Variants in DRC12 observed in about 807,000 individuals in gnomAD.
DRC12 encodes dynein regulatory complex subunit 12 homolog.
the DRC12 span, chr11:119,193,414 G>T: frequency 3.6e-6 from 3 of 826,630 alleles, no homozygotes; most frequent in South Asian, 3.5e-5. Context: ...GAAAACCTGA[G>T]GAAGGGACAG....
the DRC12 span, chr11:119,190,937 G>A: frequency 7.8e-6 from 11 of 1,411,092 alleles, no homozygotes; most frequent in African/African-American, 5.7e-5. This position sits in a 1 kb window ranked among gnomAD's most constrained non-coding sequence, Gnocchi z 4.2. Flanking sequence ...AAATGGGCTC[G>A]TTCCAGACTC....
At chr11:119,190,359 G>T in the DRC12 span, 2 of 1,613,842 alleles carry the variant, frequency 1.2e-6, no homozygotes, top group Non-Finnish European at 1.7e-6. The surrounding 1 kb of genome is among the most constrained non-coding windows in gnomAD (Gnocchi z 4.2). Flanking sequence ...AACTGGCGTT[G>T]CTGCTCCTTG....
the DRC12 span, chr11:119,195,523 GT>G: frequency 6.7e-7 from 1 of 1,490,160 alleles, no homozygotes; most frequent in Non-Finnish European, 9.2e-7. Context: ...GGGACCTTAT[GT>G]TTAGGTCTGG....
the DRC12 span, chr11:119,194,806 T>A: frequency 1.6e-6 from 1 of 610,648 alleles, no homozygotes; most frequent in Non-Finnish European, 2.9e-6. Flanking sequence ...CACTAGGGGA[T>A]GGTTAGGGTC....
At chr11:119,193,817 C>G in the DRC12 span, 3 of 1,551,728 alleles carry the variant, frequency 1.9e-6, no homozygotes, top group Non-Finnish European at 2.6e-6. Flanking sequence ...TCAGCCTCCA[C>G]CCCTTGCAGC....
At chr11:119,190,936 C>T in the DRC12 span, 13 of 1,420,484 alleles carry the variant, frequency 9.2e-6, no homozygotes, top group Middle Eastern at 1.8e-4. The surrounding 1 kb of genome is among the most constrained non-coding windows in gnomAD (Gnocchi z 4.2). Flanking sequence ...CAAATGGGCT[C>T]GTTCCAGACT....
At chr11:119,195,747 C>G in the DRC12 span, 1 of 428,768 alleles carries the variant, frequency 2.3e-6, no homozygotes, top group South Asian at 2.9e-5. Context: ...AAACGAAATC[C>G]CTGTACCTGC....
chr11:119,190,799 C>T, the DRC12 span: 4 of 1,613,970 alleles, frequency 2.5e-6, no homozygotes, highest in African/African-American at 1.3e-5. The surrounding 1 kb of genome is among the most constrained non-coding windows in gnomAD (Gnocchi z 4.2). Flanking sequence ...AGAGCTTGTT[C>T]AGCCTCTTCC....
chr11:119,193,923 G>T, the DRC12 span: 1 of 1,543,164 alleles, frequency 6.5e-7, no homozygotes. Context: ...GGACTGGCTG[G>T]GTCCCACTAA....
chr11:119,193,387 G>T, the DRC12 span: 1 of 845,666 alleles, frequency 1.2e-6, no homozygotes, highest in Non-Finnish European at 1.8e-6. Flanking sequence ...TTGTGATTCT[G>T]AGAAGCTGCA....
chr11:119,195,249 GA>G, the DRC12 span: 6 of 657,616 alleles, frequency 9.1e-6, no homozygotes, highest in East Asian at 1.6e-4. Context: ...GAGCGTGGGT[GA>G]CCATTTCCCC....
At chr11:119,192,439 T>C in the DRC12 span, among the ~76,000 whole-genome samples, 1 of 152,238 alleles carries the variant, frequency 6.6e-6, no homozygotes, top group African/African-American at 2.4e-5. Context: ...TATTCATTTA[T>C]TTGGTGAACA....
At chr11:119,193,235 G>A in the DRC12 span, 130 of 1,613,852 alleles carry the variant, frequency 8.1e-5, no homozygotes, top group Non-Finnish European at 1.0e-4. Flanking sequence ...TGGCACTGGC[G>A]ACTCATCTCT....
chr11:119,190,810 C>A, the DRC12 span: 3 of 1,613,532 alleles, frequency 1.9e-6, no homozygotes, highest in Non-Finnish European at 2.5e-6. The surrounding 1 kb of genome is among the most constrained non-coding windows in gnomAD (Gnocchi z 4.2). Context: ...AGCCTCTTCC[C>A]GGGCAGCTGC....
the DRC12 span, chr11:119,194,910 C>T: frequency 6.5e-7 from 1 of 1,550,268 alleles, no homozygotes; most frequent in Non-Finnish European, 8.7e-7. Context: ...ATGCCAGCTT[C>T]TACCCTCCTT....
the DRC12 span, among the ~76,000 whole-genome samples, chr11:119,191,754 G>T: frequency 6.6e-6 from 1 of 151,982 alleles, no homozygotes; most frequent in African/African-American, 2.4e-5. Flanking sequence ...GTTGCAGTGA[G>T]CCGAGATTTG....
At chr11:119,193,834 C>T in the DRC12 span, 1 of 1,551,654 alleles carries the variant, frequency 6.4e-7, no homozygotes, top group Non-Finnish European at 8.7e-7. Context: ...CAGCCTCTGC[C>T]TCAGCTGGTC....
At chr11:119,190,279 T>C in the DRC12 span, 3 of 1,614,116 alleles carry the variant, frequency 1.9e-6, no homozygotes, top group South Asian at 2.2e-5. This position sits in a 1 kb window ranked among gnomAD's most constrained non-coding sequence, Gnocchi z 4.2. Flanking sequence ...AGACACTTTA[T>C]TGCTGGGGCC....
chr11:119,193,567 GC>G, the DRC12 span: 1 of 1,430,678 alleles, frequency 7.0e-7, no homozygotes, highest in Non-Finnish European at 9.1e-7. Context: ...ATCCTGGAAG[GC>G]CCCTGCCTGG....
Sources: gnomAD v4.1 joint callset for allele counts (sites outside exome capture counted in the v4.1 genomes callset) on GRCh38, gnomAD v4.1.1 for gene constraint, Gnocchi (gnomAD v3.1) non-coding constraint, MANE v1.5 for transcripts, NCBI Gene and HGNC (gene_info 2026-07-23, HGNC 2026-07-21) for gene names.